FHIP1A: variants seen among roughly 807,000 people sequenced by gnomAD.
FHIP1A encodes FHF complex subunit HOOK interacting protein 1A, also known as FHF complex subunit HOOK-interacting protein 1A.
In FHIP1A, 61 loss-of-function variants were observed where a neutral mutation model predicts 88.6. That is an observed-to-expected ratio of 0.69 (90% CI 0.56 to 0.85). The LOEUF (loss-of-function observed/expected upper bound fraction) is 0.85. FHIP1A is among the 40% of genes least tolerant of loss of function. The pLI, the probability that FHIP1A is intolerant of heterozygous loss-of-function variation, is 0.00. For synonymous variants in FHIP1A, 478 were observed against 496.0 expected (o/e 0.96, Z 0.48); for missense variants, 1,154 against 1,273.5 (o/e 0.91, Z 1.43).
At chr4:151,412,617 TCCC>T (rs1732703797) in intron 1 of FHIP1A, among the ~76,000 whole-genome samples, 1 of 116,254 alleles carries the variant, frequency 8.6e-6, no homozygotes, top group African/African-American at 3.2e-5. Flanking sequence ...CCTTCCTCCC[TCCC>T]TCCCTCCCTC....
chr4:151,541,072 T>C (rs1232200090), intron 3 of FHIP1A, among the ~76,000 whole-genome samples: 2 of 152,222 alleles, frequency 1.3e-5, no homozygotes, highest in African/African-American at 4.8e-5. Flanking sequence ...GTTGTTACTT[T>C]TCTCTAGGGT....
chr4:151,568,047 G>A (rs1187387119), intron 4 of FHIP1A, among the ~76,000 whole-genome samples: 3 of 152,176 alleles, frequency 2.0e-5, no homozygotes, highest in African/African-American at 7.2e-5. Context: ...TTGATTATAT[G>A]TAGGTGGGTC....
chr4:151,486,890 C>T (rs1730101928), intron 3 of FHIP1A, among the ~76,000 whole-genome samples: 3 of 151,632 alleles, frequency 2.0e-5, no homozygotes, highest in Admixed American at 6.6e-5. Flanking sequence ...ATCACTTGAA[C>T]CTGGGAGGTA....
chr4:151,594,537 T>C (rs1734571972), intron 7 of FHIP1A, among the ~76,000 whole-genome samples: 1 of 152,170 alleles, frequency 6.6e-6, no homozygotes, highest in Non-Finnish European at 1.5e-5. Flanking sequence ...TATTCTCTTA[T>C]TGTAGTTTGT....
chr4:151,546,249 A>T (rs1421334164), intron 3 of FHIP1A, among the ~76,000 whole-genome samples: 1 of 152,182 alleles, frequency 6.6e-6, no homozygotes, highest in Non-Finnish European at 1.5e-5. Context: ...CCGGATTTAT[A>T]CCAGCAGCCC....
In FHIP1A at chr4:151,647,092, C is replaced by T. The variant is rs1736827175; in HGVS notation, c.1417+344C>T. Among the ~76,000 whole-genome samples the T allele has an allele frequency of 2.0e-5, 3 of 152,016 alleles. No homozygotes were observed. The South Asian group carries it at 6.2e-4, about 32-fold the overall frequency. ...GGCTATTGCTGAGACAGAATCAGCC[C>T]TAATTTTAATTTCTAAAATGAGCCA... is the stretch of plus-strand genomic sequence containing the variant. On this transcript the variant is annotated intron_variant, in intron 10 of 13. Transcript: ENST00000435205.
intron 3 of FHIP1A, among the ~76,000 whole-genome samples, chr4:151,483,809 AC>A (rs1729984029): frequency 6.6e-6 from 1 of 152,142 alleles, no homozygotes; most frequent in Admixed American, 6.6e-5. Flanking sequence ...AGTTTAAGAT[AC>A]GGAACAGAAA....
At chr4:151,479,632 T>C (rs552190124) in intron 2 of FHIP1A, among the ~76,000 whole-genome samples, 1 of 152,222 alleles carries the variant, frequency 6.6e-6, no homozygotes, top group East Asian at 1.9e-4. Context: ...TACAGATCAA[T>C]TAATACAATG....
At chr4:151,616,242 A>G (rs921920841) in intron 7 of FHIP1A, among the ~76,000 whole-genome samples, 12 of 152,138 alleles carry the variant, frequency 7.9e-5, no homozygotes, top group African/African-American at 2.4e-4. Flanking sequence ...AGTTGTGACA[A>G]GTTGAGAAAT....
intron 3 of FHIP1A, among the ~76,000 whole-genome samples, chr4:151,531,403 A>G (rs898155028): frequency 6.6e-6 from 1 of 151,696 alleles, no homozygotes; most frequent in Non-Finnish European, 1.5e-5. Context: ...TTCCTATAAC[A>G]TTTACACACA....
At chr4:151,657,924 T>C (rs1737310577) in intron 13 of FHIP1A, among the ~76,000 whole-genome samples, 1 of 152,250 alleles carries the variant, frequency 6.6e-6, no homozygotes, top group African/African-American at 2.4e-5. Context: ...CCTTGACTTT[T>C]AAATGAAGGA....
intron 1 of FHIP1A, among the ~76,000 whole-genome samples, chr4:151,431,709 T>TC (rs1294079340): frequency 6.6e-6 from 1 of 152,174 alleles, no homozygotes; most frequent in African/African-American, 2.4e-5. Flanking sequence ...CTAAACATAA[T>TC]CCCCTACTAT....
chr4:151,552,610 G>T (rs1206665785), intron 3 of FHIP1A, among the ~76,000 whole-genome samples: 1 of 152,062 alleles, frequency 6.6e-6, no homozygotes, highest in Admixed American at 6.5e-5. Context: ...TCACTCATAG[G>T]TGGGAATTGA....
intron 1 of FHIP1A, among the ~76,000 whole-genome samples, chr4:151,446,724 C>A (rs982580995): frequency 9.9e-5 from 15 of 151,422 alleles, no homozygotes; most frequent in African/African-American, 3.6e-4. Context: ...GAGAATGTAT[C>A]CTTGTATTCA....
At chr4:151,481,958 C>T (rs774701557) in intron 2 of FHIP1A, among the ~76,000 whole-genome samples, 2 of 152,134 alleles carry the variant, frequency 1.3e-5, no homozygotes, top group African/African-American at 2.4e-5. Context: ...ATTTGTGTTA[C>T]GAAAATTATC....
Position 151,586,735 on chromosome 4 carries a change from G to A in FHIP1A, c.827G>A (p.Trp276Ter). Residue 276 changes from tryptophan to a stop codon, truncating the protein, a stop_gained, in exon 6 of 14, where the codon TGG becomes TAG. Coordinates refer to ENST00000435205, the MANE Select transcript of FHIP1A (RefSeq NM_001109977.3). LOFTEE classifies it high-confidence loss of function. ...TGGCACTGCCTTCTGAAAGATGACT[G>A]GCTTCTACTTCCTTCTCTTGTCCAG... ...EEWHCLLKDD[W>*]LLLPSLVQFM... 2 of 1,551,342 alleles carry A rather than the reference G, an allele frequency of 1.3e-6. No individual in the cohort carries two copies. The highest frequency in any genetic ancestry group is 1.7e-6 in the Non-Finnish European group (2 of 1,146,740).
intron 7 of FHIP1A, among the ~76,000 whole-genome samples, chr4:151,614,764 A>G (rs62327271): frequency 0.29 from 43,365 of 152,040 alleles, 6,419 homozygotes; most frequent in Non-Finnish European, 0.33. Context: ...CAGGAGCGGT[A>G]AGGGCCAGAA....
intron 7 of FHIP1A, among the ~76,000 whole-genome samples, chr4:151,626,856 A>G (rs367649942): frequency 6.6e-6 from 1 of 152,150 alleles, no homozygotes. Flanking sequence ...TTAGCAGAAG[A>G]TTTCGTTTTA....
chr4:151,527,911 A>G, intron 3 of FHIP1A, among the ~76,000 whole-genome samples: 1 of 129,242 alleles, frequency 7.7e-6, no homozygotes, highest in East Asian at 2.1e-4. Context: ...ACTGCTTATC[A>G]CCTTGGGCTA....
Sources: allele counts gnomAD v4.1 joint callset (sites outside exome capture counted in the v4.1 genomes callset), GRCh38; gene constraint gnomAD v4.1.1; transcripts MANE v1.5; gene names NCBI Gene and HGNC (gene_info 2026-07-23, HGNC 2026-07-21).